NTRK2: variants seen among roughly 807,000 people sequenced by gnomAD.
NTRK2 encodes BDNF/NT-3 growth factors receptor.
In NTRK2, 13 loss-of-function variants were observed where a neutral mutation model predicts 94.5. The observed-to-expected ratio is 0.14, with a 90% CI of 0.09 to 0.22. The LOEUF (loss-of-function observed/expected upper bound fraction) is 0.22, where lower values mean the gene tolerates loss of function less well. Ranked by LOEUF, NTRK2 falls within the 10% of genes least tolerant of loss-of-function variation. NTRK2 has a pLI of 1.00. For synonymous variants in NTRK2, 372 were observed against 407.4 expected, an observed-to-expected ratio of 0.91 and a Z score of 1.05; for missense variants, 639 against 1,071.2, an observed-to-expected ratio of 0.60 and a Z score of 5.63.
intron 15 of NTRK2, among the ~76,000 whole-genome samples, chr9:84,944,489 G>T (rs1292439715): frequency 1.3e-5 from 2 of 152,150 alleles, no homozygotes; most frequent in African/African-American, 2.4e-5. Context: ...ATTATACACA[G>T]AATTTGTTCA....
intron 17 of NTRK2, among the ~76,000 whole-genome samples, chr9:84,965,507 G>A (rs1479775263): frequency 6.6e-6 from 1 of 152,166 alleles, no homozygotes; most frequent in Non-Finnish European, 1.5e-5. Flanking sequence ...AGAATTTGAG[G>A]TGGGCCTTAA....
intron 14 of NTRK2, among the ~76,000 whole-genome samples, chr9:84,915,667 G>A (rs1437956817): frequency 6.6e-6 from 1 of 152,116 alleles, no homozygotes; most frequent in Non-Finnish European, 1.5e-5. Flanking sequence ...AAGGGAAAGG[G>A]ACTAAGACAG....
chr9:84,916,874 G>C (rs75215432), intron 14 of NTRK2, among the ~76,000 whole-genome samples: 2,185 of 152,270 alleles, frequency 0.014, 49 homozygotes, highest in African/African-American at 0.049. Flanking sequence ...AGTGATTTAC[G>C]GTGACATCTA....
intron 14 of NTRK2, among the ~76,000 whole-genome samples, chr9:84,898,058 G>GTT (rs397965892): frequency 4.3e-4 from 61 of 142,018 alleles, no homozygotes; most frequent in Middle Eastern, 3.8e-3. Flanking sequence ...ATCTGCCACT[G>GTT]TTTTTTTTTT....
intron 10 of NTRK2, among the ~76,000 whole-genome samples, chr9:84,742,577 G>C (rs982628607): frequency 2.4e-4 from 36 of 152,096 alleles, no homozygotes; most frequent in Admixed American, 6.5e-5. Flanking sequence ...CAAGAGCCAA[G>C]CCCTCTTTGT....
intron 12 of NTRK2, among the ~76,000 whole-genome samples, chr9:84,795,354 C>T (rs1015410708): frequency 1.6e-4 from 25 of 152,186 alleles, no homozygotes; most frequent in African/African-American, 4.3e-4. Context: ...CATCCCAACA[C>T]GCCCAGGGAC....
rs568401018 is a variant in NTRK2, at chr9:84,730,613, G to A, written c.1159+2654G>A. Among the ~76,000 whole-genome samples the A allele has an allele frequency of 6.4e-5, 9 of 140,624 alleles. 1 individual carries two copies. The East Asian group carries it at 1.0e-3, about 16-fold the overall frequency. The allele number at this position is 140,624 out of a possible 152,430, so 92.3% of individuals were successfully genotyped here. On this transcript the variant is annotated intron_variant, in intron 9 of 18. Coordinates refer to ENST00000277120, the MANE Select transcript of NTRK2 (RefSeq NM_006180.6). ...AAATTAGCCGGGCGTGGTAGCGGGC[G>A]CCTGTAGTCCCAGCTACTCGGGGAG...
rs1433994945 is a variant in NTRK2 at position 85,026,868 on chromosome 9, A to G, written c.*5431A>G. 8.6e-6 allele frequency: 2 copies of G among 232,644 alleles called. No homozygotes were observed. The highest frequency in any genetic ancestry group is 4.4e-5 in the African/African-American group (2 of 45,248). The allele number at this position is 232,644 out of a possible 1,614,324, so 14.4% of individuals were successfully genotyped here. On this transcript the variant is annotated 3_prime_UTR_variant, in exon 19 of 19. Transcript: ENST00000277120. ...TGTTTTGCAATCTGTTTTGAGGTCCATTGCTTTACTAAGACCCACTGCATC... is the reference window on the plus strand; with the variant it reads ...TGTTTTGCAATCTGTTTTGAGGTCCGTTGCTTTACTAAGACCCACTGCATC...
At chr9:84,859,796 C>A (rs1271594411) in intron 12 of NTRK2, among the ~76,000 whole-genome samples, 1 of 152,238 alleles carries the variant, frequency 6.6e-6, no homozygotes, top group Admixed American at 6.5e-5. Context: ...ATAGGCAGGA[C>A]TCTGCCTCCC....
chr9:84,766,675 AAC>A (rs1055803369), intron 12 of NTRK2, among the ~76,000 whole-genome samples: 1 of 148,812 alleles, frequency 6.7e-6, no homozygotes, highest in African/African-American at 2.6e-5. Flanking sequence ...TCAACACACA[AAC>A]ACACACACAT....
At chr9:84,990,580 T>A (rs1828931146) in intron 17 of NTRK2, among the ~76,000 whole-genome samples, 1 of 152,192 alleles carries the variant, frequency 6.6e-6, no homozygotes, top group African/African-American at 2.4e-5. Context: ...GCCCATTCCT[T>A]TGAGTGAAGG....
intron 14 of NTRK2, among the ~76,000 whole-genome samples, chr9:84,897,060 A>G (rs982919116): frequency 6.6e-5 from 10 of 152,066 alleles, no homozygotes; most frequent in African/African-American, 2.4e-4. Context: ...AAGCCCAGGG[A>G]TTGTTGTGGC....
At chr9:84,973,096 A>G (rs1388253184) in intron 17 of NTRK2, among the ~76,000 whole-genome samples, 2 of 152,234 alleles carry the variant, frequency 1.3e-5, no homozygotes, top group East Asian at 3.8e-4. Flanking sequence ...TATTTATGAC[A>G]TAAGTATTTA....
intron 12 of NTRK2, among the ~76,000 whole-genome samples, chr9:84,752,491 T>A (rs2064721884): frequency 1.3e-5 from 2 of 152,240 alleles, no homozygotes. Context: ...AGTGGTATGC[T>A]TTTGGTGTTG....
chr9:84,869,441 T>C (rs1395969323), intron 14 of NTRK2, among the ~76,000 whole-genome samples: 2 of 152,228 alleles, frequency 1.3e-5, no homozygotes, highest in Non-Finnish European at 2.9e-5. Flanking sequence ...TCTTTCATGA[T>C]TTTAAGAACA....
intron 2 of NTRK2, among the ~76,000 whole-genome samples, chr9:84,695,170 T>C (rs2060303654): frequency 1.3e-5 from 2 of 152,160 alleles, no homozygotes; most frequent in Non-Finnish European, 2.9e-5. Flanking sequence ...CGATTCCACT[T>C]TGAAGAGTCA....
At position 84,809,882 on chromosome 9, in the gene NTRK2, GA is replaced by G. The variant is rs35481612; in HGVS notation, c.1397-51138del. On this transcript the variant is annotated intron_variant, in intron 12 of 18. Transcript: ENST00000277120. The stretch of plus-strand genomic sequence containing the variant: ...GGGCAACAGAGCAATACTCTGTCTG[GA>G]AAAAAAAAAAAAAAAAAAAGAAAGA... Among the ~76,000 whole-genome samples, 540 of 118,746 alleles carry G rather than the reference GA, an allele frequency of 4.5e-3. 1 individual carries two copies. Among genetic ancestry groups the G allele is most frequent in the African/African-American group, 0.011 (346 of 31,682 alleles). 77.9% of individuals were successfully genotyped at this position (118,746 alleles called of 152,430 possible). A position where few individuals can be genotyped will look rare whatever the true frequency, so the allele number is the denominator to read the frequency against.
intron 12 of NTRK2, among the ~76,000 whole-genome samples, chr9:84,820,809 T>A (rs2072763813): frequency 6.6e-6 from 1 of 152,242 alleles, no homozygotes; most frequent in Admixed American, 6.5e-5. Flanking sequence ...TTATGGGCTA[T>A]GGCCTAATGG....
At chr9:84,729,460 A>G (rs535914962) in intron 9 of NTRK2, among the ~76,000 whole-genome samples, 5 of 152,318 alleles carry the variant, frequency 3.3e-5, no homozygotes, top group South Asian at 4.1e-4. Flanking sequence ...GTCATGTTTG[A>G]GGGAATAATA....
Sources: gnomAD v4.1 joint callset for allele counts (sites outside exome capture counted in the v4.1 genomes callset) on GRCh38, gnomAD v4.1.1 for gene constraint, MANE v1.5 for transcripts, NCBI Gene and HGNC (gene_info 2026-07-23, HGNC 2026-07-21) for gene names.